ITSN2: variants seen among roughly 807,000 people sequenced by gnomAD.
The protein encoded by ITSN2 is intersectin 2.
In ITSN2, 156 loss-of-function variants were observed where a neutral mutation model predicts 243.7. That is an observed-to-expected ratio of 0.64 (90% CI 0.56 to 0.73). The LOEUF (loss-of-function observed/expected upper bound fraction) is 0.73. Ranked by LOEUF, ITSN2 falls within the 30% of genes least tolerant of loss-of-function variation. ITSN2 has a pLI of 0.00. For missense variants in ITSN2, 1,801 were observed against 1,996.1 expected (o/e 0.90, Z 1.86); for synonymous variants, 703 against 699.9 (o/e 1.00, Z -0.07).
chr2:24,339,626 CTG>C (rs924216338), intron 1 of ITSN2, among the ~76,000 whole-genome samples: 7 of 152,232 alleles, frequency 4.6e-5, no homozygotes, highest in African/African-American at 1.4e-4. Context: ...GAGACTAGCT[CTG>C]TTTTTGTGTT....
intron 29 of ITSN2, among the ~76,000 whole-genome samples, chr2:24,227,792 G>C (rs551336167): frequency 6.6e-6 from 1 of 152,090 alleles, no homozygotes; most frequent in Non-Finnish European, 1.5e-5. Context: ...GGTGGCGGGT[G>C]CCTGTAATCC....
At chr2:24,301,321 G>A (rs932835349) in intron 10 of ITSN2, 82 bp from the exon 11 acceptor site, 4 of 729,734 alleles carry the variant, frequency 5.5e-6, no homozygotes, top group Admixed American at 2.3e-5. Flanking sequence ...AGTGATTATG[G>A]CAATTTGATA....
At chr2:24,337,363 T>A (rs2151891018) in intron 1 of ITSN2, among the ~76,000 whole-genome samples, 1 of 134,038 alleles carries the variant, frequency 7.5e-6, no homozygotes, top group African/African-American at 2.8e-5. Context: ...TGTAATTTTT[T>A]TTTTTAAGAC....
chr2:24,344,867 G>A (rs1400702416), intron 1 of ITSN2, among the ~76,000 whole-genome samples: 4 of 152,138 alleles, frequency 2.6e-5, no homozygotes, highest in Non-Finnish European at 4.4e-5. Flanking sequence ...CAGGACAATC[G>A]CTTGAATCTG....
chr2:24,299,357 A>G lies in ITSN2; in HGVS notation c.1345-543T>C, dbSNP rs562245393. ...TTCCCTCTATTCTGGTATCTGGGGGAAAAATTCTATTTATATTATTTCAGT... is the reference window on the plus strand; with the variant it reads ...TTCCCTCTATTCTGGTATCTGGGGGGAAAATTCTATTTATATTATTTCAGT... On this transcript the variant is annotated intron_variant, in intron 12 of 39. Coordinates refer to ENST00000355123, the MANE Select transcript of ITSN2 (RefSeq NM_006277.3). Among the ~76,000 whole-genome samples, 197 of 152,224 alleles carry G rather than the reference A, an allele frequency of 1.3e-3. 2 individuals carry two copies. Among genetic ancestry groups the G allele is most frequent in the African/African-American group, 4.6e-3 (192 of 41,528 alleles).
At chr2:24,294,945 A>G (rs2151622504) in intron 14 of ITSN2, among the ~76,000 whole-genome samples, 1 of 152,278 alleles carries the variant, frequency 6.6e-6, no homozygotes, top group South Asian at 2.1e-4. Context: ...CACTAGTTTT[A>G]AAGGAGACAG....
rs2151069065 is a variant in ITSN2, at chr2:24,204,415, T to C, written c.4766A>G (p.Lys1589Arg). 1 of 1,614,174 alleles carries C rather than the reference T, an allele frequency of 6.2e-7. No individual in the cohort carries two copies. The highest frequency in any genetic ancestry group is 2.2e-5 in the East Asian group (1 of 44,886). Residue 1589 changes from lysine (K) to arginine (R), a missense_variant, in exon 39 of 40, where the codon AAG (lysine) becomes AGG (arginine). Lys to Arg is a conservative substitution (Grantham distance 26). Coordinates refer to ENST00000355123, the MANE Select transcript of ITSN2 (RefSeq NM_006277.3). The surrounding 1 kb of genome is among the most constrained non-coding windows in gnomAD (Gnocchi z 5.1). Reference protein sequence around the residue: ...TELKACKPNGKSNPYCEISMG... With the variant: ...TELKACKPNGRSNPYCEISMG... ...GCTGATTTCACAGTATGGGTTGCTCTTTCCTGAACAAAAACAAACCACAGA... is the reference window on the plus strand; with the variant it reads ...GCTGATTTCACAGTATGGGTTGCTCCTTCCTGAACAAAAACAAACCACAGA...
chr2:24,299,117 C>T (rs1034546795), intron 12 of ITSN2, among the ~76,000 whole-genome samples: 13 of 151,342 alleles, frequency 8.6e-5, no homozygotes, highest in Non-Finnish European at 1.5e-4. Flanking sequence ...GCAACCTCCA[C>T]CACCTGGGCT....
At chr2:24,347,905 C>G (rs1367805832) in intron 1 of ITSN2, among the ~76,000 whole-genome samples, 1 of 152,032 alleles carries the variant, frequency 6.6e-6, no homozygotes, top group Admixed American at 6.6e-5. Context: ...GACCCCATCT[C>G]TACCAATAAT....
chr2:24,288,823 C>T (rs1679876272), intron 15 of ITSN2, among the ~76,000 whole-genome samples: 1 of 152,038 alleles, frequency 6.6e-6, no homozygotes, highest in South Asian at 2.1e-4. Flanking sequence ...CTCAGTGATC[C>T]CCTTTTCTCT....
intron 23 of ITSN2, among the ~76,000 whole-genome samples, chr2:24,255,895 C>CA (rs1191176858): frequency 6.6e-6 from 1 of 152,080 alleles, no homozygotes; most frequent in Non-Finnish European, 1.5e-5. Context: ...GCTAAAAATA[C>CA]AAAAAAATTT....
intron 22 of ITSN2, 142 bp from the exon 23 acceptor site, chr2:24,258,235 G>A (rs760977338): frequency 1.6e-6 from 1 of 627,838 alleles, no homozygotes; most frequent in Non-Finnish European, 2.8e-6. Context: ...TCTACTAACT[G>A]ACTTTAAATT....
At chr2:24,280,422 A>G (rs1678625630) in intron 17 of ITSN2, among the ~76,000 whole-genome samples, 1 of 151,938 alleles carries the variant, frequency 6.6e-6, no homozygotes, top group Non-Finnish European at 1.5e-5. Flanking sequence ...ATCTGACCCA[A>G]TCCCCTACTC....
chr2:24,205,688 A>C (rs1479391116), intron 37 of ITSN2: 1 of 228,544 alleles, frequency 4.4e-6, no homozygotes, highest in Non-Finnish European at 9.0e-6. Flanking sequence ...TAGAGCATGG[A>C]CTGTTTCGAT....
chr2:24,302,209 A>G (rs1445669912), intron 9 of ITSN2, 107 bp from the exon 10 acceptor site: 4 of 634,070 alleles, frequency 6.3e-6, no homozygotes, highest in Non-Finnish European at 6.8e-6. Flanking sequence ...TTATTTATTT[A>G]TTTATTTGAG....
intron 38 of ITSN2, 47 bp downstream of exon 38, chr2:24,205,167 T>C: frequency 1.3e-6 from 2 of 1,519,742 alleles, no homozygotes; most frequent in Non-Finnish European, 1.8e-6. Context: ...CAGCAAAAAC[T>C]GGGGCAGGGC....
chr2:24,262,984 C>T (rs139226271), intron 20 of ITSN2, among the ~76,000 whole-genome samples: 4 of 152,192 alleles, frequency 2.6e-5, no homozygotes, highest in African/African-American at 7.2e-5. Flanking sequence ...CCTCACTGCC[C>T]TACTTCAGGC....
intron 17 of ITSN2, 128 bp downstream of exon 17, chr2:24,284,634 GA>G: frequency 1.8e-6 from 1 of 571,188 alleles, no homozygotes; most frequent in Non-Finnish European, 3.2e-6. Context: ...CAAGCAGAAA[GA>G]AAAAGGCTTA....
chr2:24,212,312 A>G (rs1394892661), intron 33 of ITSN2, among the ~76,000 whole-genome samples: 1 of 152,208 alleles, frequency 6.6e-6, no homozygotes, highest in South Asian at 2.1e-4. Flanking sequence ...TCTGGGTTCA[A>G]GATGGGCTCC....
Sources: allele counts gnomAD v4.1 joint callset (sites outside exome capture counted in the v4.1 genomes callset), GRCh38; gene constraint gnomAD v4.1.1; non-coding constraint Gnocchi (gnomAD v3.1); transcripts MANE v1.5; gene names NCBI Gene and HGNC (gene_info 2026-07-23, HGNC 2026-07-21).